The following CLXN variants were observed in gnomAD, a reference collection of about 807,000 sequenced individuals.
CLXN encodes calaxin, also known as EF-hand calcium binding domain 1.
At chr8:48,725,664 C>G in the CLXN span, among the ~76,000 whole-genome samples, 1 of 152,024 alleles carries the variant, frequency 6.6e-6, no homozygotes, top group South Asian at 2.1e-4. Context: ...ATTATCCGGG[C>G]GTGGTGGCGC....
At chr8:48,717,576 T>C in the CLXN span, among the ~76,000 whole-genome samples, 9 of 152,068 alleles carry the variant, frequency 5.9e-5, no homozygotes, top group African/African-American at 1.9e-4. Context: ...AGCAGCAACA[T>C]GAAAACAAAT....
chr8:48,719,386 A>G, the CLXN span, among the ~76,000 whole-genome samples: 28 of 152,070 alleles, frequency 1.8e-4, no homozygotes, highest in Middle Eastern at 3.4e-3. Context: ...AACTCCTCTA[A>G]AAAAATAGAA....
At chr8:48,735,196 C>T in the CLXN span, 1 of 1,610,582 alleles carries the variant, frequency 6.2e-7, no homozygotes, top group Non-Finnish European at 8.5e-7. Context: ...TCTCTGGGCG[C>T]GCGGCTACCG....
the CLXN span, among the ~76,000 whole-genome samples, chr8:48,717,834 T>G: frequency 1.3e-5 from 2 of 152,190 alleles, no homozygotes; most frequent in African/African-American, 2.4e-5. Flanking sequence ...AGATATTTTA[T>G]GCAAGCCTTG....
At chr8:48,726,870 AATCT>A in the CLXN span, among the ~76,000 whole-genome samples, 9,515 of 136,218 alleles carry the variant, frequency 0.07, 395 homozygotes, top group South Asian at 0.15. Flanking sequence ...TGCATCTATC[AATCT>A]ATCTATCTAT....
At chr8:48,724,861 T>C in the CLXN span, 1 of 1,387,714 alleles carries the variant, frequency 7.2e-7, no homozygotes, top group Non-Finnish European at 1.0e-6. Context: ...CACCACAAAA[T>C]ATTCTGTATG....
At chr8:48,727,123 C>T in the CLXN span, among the ~76,000 whole-genome samples, 2 of 149,682 alleles carry the variant, frequency 1.3e-5, no homozygotes, top group African/African-American at 4.9e-5. Context: ...CATCTACCCA[C>T]CCACACACCC....
chr8:48,720,919 G>A, the CLXN span, among the ~76,000 whole-genome samples: 187 of 152,084 alleles, frequency 1.2e-3, no homozygotes, highest in African/African-American at 4.4e-3. Flanking sequence ...TGACACTTAC[G>A]GAAAATAGAA....
the CLXN span, chr8:48,715,083 A>T: frequency 1.3e-5 from 2 of 152,226 alleles, no homozygotes; most frequent in South Asian, 4.1e-4. Flanking sequence ...AAAATACAGT[A>T]TTCTCTTTGC....
the CLXN span, chr8:48,711,116 T>C: frequency 6.6e-6 from 1 of 152,238 alleles, no homozygotes; most frequent in African/African-American, 2.4e-5. Context: ...ATCCCAGCTC[T>C]ACCATGTCCC....
At chr8:48,734,909 G>C in the CLXN span, among the ~76,000 whole-genome samples, 1 of 152,148 alleles carries the variant, frequency 6.6e-6, no homozygotes, top group South Asian at 2.1e-4. Context: ...AAGATCAAAC[G>C]CAAGGAGCTG....
the CLXN span, among the ~76,000 whole-genome samples, chr8:48,719,571 T>C: frequency 1.3e-5 from 2 of 152,086 alleles, no homozygotes; most frequent in Non-Finnish European, 2.9e-5. Flanking sequence ...CAAAATGCCA[T>C]GACCAGGTGG....
chr8:48,732,474 G>T, the CLXN span, among the ~76,000 whole-genome samples: 2 of 152,090 alleles, frequency 1.3e-5, no homozygotes, highest in Non-Finnish European at 1.5e-5. Context: ...ACACTAAAAA[G>T]TCTGGGAAAA....
chr8:48,719,902 G>A, the CLXN span, among the ~76,000 whole-genome samples: 1 of 152,146 alleles, frequency 6.6e-6, no homozygotes, highest in African/African-American at 2.4e-5. Context: ...GGAAGTTCTA[G>A]CCAAAGCAAT....
At chr8:48,719,750 T>A in the CLXN span, among the ~76,000 whole-genome samples, 1 of 152,158 alleles carries the variant, frequency 6.6e-6, no homozygotes, top group African/African-American at 2.4e-5. Context: ...ATAAAATAAG[T>A]ACACTAGGAA....
the CLXN span, among the ~76,000 whole-genome samples, chr8:48,733,224 C>T: frequency 6.6e-6 from 1 of 152,050 alleles, no homozygotes; most frequent in Non-Finnish European, 1.5e-5. Flanking sequence ...AAAATGGTAG[C>T]AGAGGGGATG....
At chr8:48,720,165 TA>T in the CLXN span, among the ~76,000 whole-genome samples, 1 of 152,186 alleles carries the variant, frequency 6.6e-6, no homozygotes, top group African/African-American at 2.4e-5. Context: ...AAATTAATTG[TA>T]AAACATGTGT....
chr8:48,734,202 C>G, the CLXN span, among the ~76,000 whole-genome samples: 3 of 152,052 alleles, frequency 2.0e-5, no homozygotes, highest in Admixed American at 1.3e-4. Flanking sequence ...CTTTTTTGAG[C>G]GACTCGGTTA....
chr8:48,716,737 G>A, the CLXN span, among the ~76,000 whole-genome samples: 1 of 151,870 alleles, frequency 6.6e-6, no homozygotes, highest in Non-Finnish European at 1.5e-5. Flanking sequence ...TCTGAAGACA[G>A]GTCATTTGAG....
Sources: gnomAD v4.1 joint callset for allele counts (sites outside exome capture counted in the v4.1 genomes callset) on GRCh38, gnomAD v4.1.1 for gene constraint, MANE v1.5 for transcripts, NCBI Gene and HGNC (gene_info 2026-07-23, HGNC 2026-07-21) for gene names.